Variants in MXI1 observed in about 807,000 individuals in gnomAD.
MXI1 encodes MAX interactor 1, dimerization protein.
A neutral mutation model predicts 36.9 loss-of-function variants in MXI1; 18 were observed. The observed-to-expected ratio is 0.49, with a 90% CI of 0.34 to 0.72. MXI1 has a LOEUF of 0.72. MXI1 is among the 30% of genes least tolerant of loss of function. The pLI is 0.01. For synonymous variants in MXI1, 160 were observed against 146.7 expected (o/e 1.09, Z -0.65); for missense variants, 304 against 379.1 (o/e 0.80, Z 1.64).
intron 1 of MXI1, among the ~76,000 whole-genome samples, chr10:110,212,443 A>G (rs1449894732): frequency 6.6e-6 from 1 of 152,160 alleles, no homozygotes; most frequent in African/African-American, 2.4e-5. Flanking sequence ...CACTGTCTAG[A>G]ATGCTTTCAT....
intron 2 of MXI1, among the ~76,000 whole-genome samples, chr10:110,241,837 T>C (rs904027671): frequency 2.0e-5 from 3 of 152,014 alleles, no homozygotes; most frequent in Non-Finnish European, 2.9e-5. Flanking sequence ...AGGAGCTAGA[T>C]GTTTTTACAT....
At chr10:110,257,837 C>G (rs1856371267) in intron 3 of MXI1, 2 of 349,608 alleles carry the variant, frequency 5.7e-6, no homozygotes, top group Admixed American at 3.0e-5. Flanking sequence ...CCTGTGAATT[C>G]ATGGCATAAT....
chr10:110,255,280 G>A (rs776569520), intron 3 of MXI1, among the ~76,000 whole-genome samples: 6 of 152,102 alleles, frequency 3.9e-5, no homozygotes, highest in Non-Finnish European at 2.9e-5. Flanking sequence ...ACTATTTGAC[G>A]CCTACTGTTG....
intron 2 of MXI1, among the ~76,000 whole-genome samples, chr10:110,241,627 C>T (rs951364274): frequency 3.3e-5 from 5 of 151,896 alleles, no homozygotes; most frequent in Admixed American, 3.3e-4. Flanking sequence ...GCTTCAGTCA[C>T]CTATCTTTTC....
At chr10:110,209,874 C>T (rs1288397395) in intron 1 of MXI1, among the ~76,000 whole-genome samples, 1 of 152,106 alleles carries the variant, frequency 6.6e-6, no homozygotes, top group East Asian at 1.9e-4. Flanking sequence ...TAGGGGTACA[C>T]CCCATGAGGG....
At chr10:110,267,046 G>A (rs1263323554) in intron 3 of MXI1, among the ~76,000 whole-genome samples, 1 of 152,126 alleles carries the variant, frequency 6.6e-6, no homozygotes, top group Non-Finnish European at 1.5e-5. Context: ...GCTTTCTAAT[G>A]TTGAAGTGTA....
At chr10:110,224,201 A>G (rs1007957713) in intron 1 of MXI1, among the ~76,000 whole-genome samples, 2 of 152,114 alleles carry the variant, frequency 1.3e-5, no homozygotes, top group African/African-American at 2.4e-5. Context: ...GCTTCCTGTT[A>G]TTTTGGATGT....
intron 1 of MXI1, among the ~76,000 whole-genome samples, chr10:110,219,508 C>T (rs1854742980): frequency 6.6e-6 from 1 of 152,154 alleles, no homozygotes; most frequent in South Asian, 2.1e-4. Flanking sequence ...AATGAGACTC[C>T]AGGTCTGCTG....
chr10:110,245,462 C>T (rs1301618246), intron 3 of MXI1, among the ~76,000 whole-genome samples: 1 of 152,118 alleles, frequency 6.6e-6, no homozygotes, highest in Non-Finnish European at 1.5e-5. Context: ...CTAGAGGGTA[C>T]TGAAAGATAT....
intron 2 of MXI1, among the ~76,000 whole-genome samples, chr10:110,236,931 T>A (rs1367240354): frequency 6.6e-6 from 1 of 152,232 alleles, no homozygotes; most frequent in African/African-American, 2.4e-5. Context: ...GGTATGTCTA[T>A]TACTTAGATA....
intron 5 of MXI1, among the ~76,000 whole-genome samples, chr10:110,283,551 C>G (rs1357691775): frequency 1.6e-5 from 2 of 126,440 alleles, no homozygotes; most frequent in African/African-American, 5.0e-5. Flanking sequence ...CCGGCTGAAT[C>G]CACTTTTTTT....
chr10:110,222,940 C>A (rs751169100), intron 1 of MXI1, among the ~76,000 whole-genome samples: 2 of 152,214 alleles, frequency 1.3e-5, no homozygotes, highest in African/African-American at 4.8e-5. Context: ...GGAAGTGGCA[C>A]TTCAATTGCT....
chr10:110,248,543 T>A (rs1296402189), intron 3 of MXI1, among the ~76,000 whole-genome samples: 1 of 152,182 alleles, frequency 6.6e-6, no homozygotes, highest in Non-Finnish European at 1.5e-5. Context: ...CTGGGCTGTG[T>A]GTAATCTCCA....
chr10:110,210,825 G>C (rs1475451284), intron 1 of MXI1, among the ~76,000 whole-genome samples: 1 of 152,348 alleles, frequency 6.6e-6, no homozygotes, highest in Non-Finnish European at 1.5e-5. Flanking sequence ...ACGCGAGTCG[G>C]GGGGCGGGTC....
intron 3 of MXI1, among the ~76,000 whole-genome samples, chr10:110,256,046 T>C (rs1029290351): frequency 6.6e-6 from 1 of 152,110 alleles, no homozygotes; most frequent in South Asian, 2.1e-4. Flanking sequence ...TTAGCAAGGA[T>C]CACAAGACAA....
chr10:110,286,249 C>G lies in MXI1; in HGVS notation c.*1262C>G, dbSNP rs1368322497. 6.6e-6 allele frequency: 1 copy of G among 152,648 alleles called. No homozygotes were observed. Among genetic ancestry groups the G allele is most frequent in the Non-Finnish European group, 1.5e-5 (1 of 68,038 alleles). The allele number at this position is 152,648 out of a possible 1,614,324, so 9.5% of individuals were successfully genotyped here. On this transcript the variant is annotated 3_prime_UTR_variant, in exon 6 of 6. Coordinates refer to ENST00000332674, the MANE Select transcript of MXI1 (RefSeq NM_130439.3). ...GCTTCCATTTTCCTACAGGCAGTCT[C>G]TCTCTTCCTCACAGTCCCACTGTGC...
chr10:110,252,273 T>C (rs1432258563), intron 3 of MXI1, among the ~76,000 whole-genome samples: 1 of 152,198 alleles, frequency 6.6e-6, no homozygotes, highest in Admixed American at 6.5e-5. Flanking sequence ...GAAGTGATCT[T>C]CTCAAAGAAC....
intron 1 of MXI1, among the ~76,000 whole-genome samples, chr10:110,222,364 T>TA (rs1854838452): frequency 6.6e-6 from 1 of 152,158 alleles, no homozygotes; most frequent in African/African-American, 2.4e-5. Context: ...ACTTGTAACT[T>TA]AACCTCATGG....
At chr10:110,258,314 C>G (rs991897062) in intron 3 of MXI1, among the ~76,000 whole-genome samples, 6 of 151,988 alleles carry the variant, frequency 3.9e-5, no homozygotes, top group African/African-American at 1.4e-4. Context: ...ATTCTTTGTA[C>G]TTTTTTAGAC....
Sources: allele counts gnomAD v4.1 joint callset (sites outside exome capture counted in the v4.1 genomes callset), GRCh38; gene constraint gnomAD v4.1.1; transcripts MANE v1.5; gene names NCBI Gene and HGNC (gene_info 2026-07-23, HGNC 2026-07-21).